The following PTPN2 variants were observed in gnomAD, a reference collection of about 807,000 sequenced individuals.
The protein encoded by PTPN2 is protein tyrosine phosphatase non-receptor type 2, also known as tyrosine-protein phosphatase non-receptor type 2.
Under a neutral mutation model 57.3 loss-of-function variants are expected in PTPN2, and 19 were observed. The observed-to-expected ratio is 0.33, with a 90% CI of 0.23 to 0.49. PTPN2 has a LOEUF of 0.49. PTPN2 is among the 20% of genes least tolerant of loss of function. PTPN2 has a pLI of 0.99. For missense variants in PTPN2, 358 were observed against 501.1 expected (o/e 0.71, Z 2.73); for synonymous variants, 153 against 164.9 (o/e 0.93, Z 0.55).
At chr18:12,835,382 C>CTTTCTTTTTTTTTTTTTTTTTTTTTT (rs2042821259) in intron 3 of PTPN2, among the ~76,000 whole-genome samples, 6 of 99,020 alleles carry the variant, frequency 6.1e-5, no homozygotes, top group African/African-American at 1.7e-4. Flanking sequence ...TCACATATGT[C>CTTTCTTTTTTTTTTTTTTTTTTTTTT]TTTTTTTTTT....
At chr18:12,848,177 G>A (rs2043277817) in intron 2 of PTPN2, among the ~76,000 whole-genome samples, 1 of 152,128 alleles carries the variant, frequency 6.6e-6, no homozygotes, top group Non-Finnish European at 1.5e-5. Context: ...CTATTACTAA[G>A]AAAGATGACA....
chr18:12,855,803 G>C (rs1055590975), intron 2 of PTPN2, among the ~76,000 whole-genome samples: 1 of 152,066 alleles, frequency 6.6e-6, no homozygotes, highest in Non-Finnish European at 1.5e-5. Context: ...CAAAATGGTG[G>C]AATTAAAAAA....
chr18:12,873,238 GCCTCTCCCTCTCCCTCTGCCT>G (rs1481107290), intron 1 of PTPN2, among the ~76,000 whole-genome samples: 3 of 142,070 alleles, frequency 2.1e-5, no homozygotes, highest in Non-Finnish European at 3.0e-5. Flanking sequence ...AAAAAAAAAA[GCCTCTCCCTCTCCCTCTGCCT>G]CCTCTCCCTC....
chr18:12,796,804 T>C (rs1213759285), intron 8 of PTPN2, among the ~76,000 whole-genome samples: 5 of 152,226 alleles, frequency 3.3e-5, no homozygotes, highest in African/African-American at 9.6e-5. Context: ...TCTTCAATTA[T>C]CTTGCTCCAC....
At chr18:12,861,906 T>C (rs2043820189) in intron 1 of PTPN2, among the ~76,000 whole-genome samples, 1 of 152,242 alleles carries the variant, frequency 6.6e-6, no homozygotes, top group African/African-American at 2.4e-5. Flanking sequence ...GCCCCCAGTA[T>C]AGTAGTAGGG....
intron 1 of PTPN2, among the ~76,000 whole-genome samples, chr18:12,882,439 A>G (rs140801005): frequency 6.6e-6 from 1 of 152,376 alleles, no homozygotes; most frequent in African/African-American, 2.4e-5. Context: ...ATTTTCAAGG[A>G]TATTAATGAT....
At chr18:12,786,937 T>C (rs2040858834) in intron 9 of PTPN2, 1 of 152,244 alleles carries the variant, frequency 6.6e-6, no homozygotes, top group South Asian at 2.1e-4. Context: ...ATTACATGAA[T>C]CTTCAGAATG....
intron 3 of PTPN2, among the ~76,000 whole-genome samples, chr18:12,836,092 T>C (rs1027231231): frequency 2.2e-4 from 33 of 152,382 alleles, no homozygotes; most frequent in Admixed American, 1.8e-3. Flanking sequence ...TCAAATATTA[T>C]GGTATATCTT....
chr18:12,837,120 G>A (rs2145399725), intron 2 of PTPN2, among the ~76,000 whole-genome samples: 1 of 152,234 alleles, frequency 6.6e-6, no homozygotes, highest in South Asian at 2.1e-4. Context: ...TCTGTTTGTA[G>A]CACATTAGCC....
chr18:12,820,954 G>A (rs2042251360), intron 5 of PTPN2, among the ~76,000 whole-genome samples: 1 of 152,226 alleles, frequency 6.6e-6, no homozygotes, highest in Non-Finnish European at 1.5e-5. Context: ...AGTTGAGCAA[G>A]TGTAACAACA....
At chr18:12,861,488 A>C (rs976976193) in intron 1 of PTPN2, among the ~76,000 whole-genome samples, 2 of 152,246 alleles carry the variant, frequency 1.3e-5, no homozygotes, top group Non-Finnish European at 2.9e-5. Context: ...TAATCAATGC[A>C]TCTGGAAGGC....
At chr18:12,805,297 A>C (rs1053923112) in intron 7 of PTPN2, among the ~76,000 whole-genome samples, 5 of 151,952 alleles carry the variant, frequency 3.3e-5, no homozygotes, top group African/African-American at 1.2e-4. Context: ...TCTCTACTAT[A>C]AATACAAAAA....
chr18:12,848,937 T>C (rs552577584), intron 2 of PTPN2, among the ~76,000 whole-genome samples: 1 of 152,240 alleles, frequency 6.6e-6, no homozygotes, highest in Non-Finnish European at 1.5e-5. Context: ...TTCTTTCCAA[T>C]CCTTATGGCT....
intron 1 of PTPN2, among the ~76,000 whole-genome samples, chr18:12,869,340 A>G (rs1473162120): frequency 6.6e-6 from 1 of 152,036 alleles, no homozygotes; most frequent in Non-Finnish European, 1.5e-5. Flanking sequence ...ATGCCTGGCT[A>G]ATTTTTTATT....
intron 3 of PTPN2, among the ~76,000 whole-genome samples, chr18:12,831,452 T>G (rs1211192572): frequency 1.3e-5 from 2 of 152,208 alleles, no homozygotes; most frequent in African/African-American, 2.4e-5. Flanking sequence ...TGAAGGTGGC[T>G]ATAGTATTCA....
At chr18:12,883,169 T>C (rs2044720375) in intron 1 of PTPN2, among the ~76,000 whole-genome samples, 2 of 152,008 alleles carry the variant, frequency 1.3e-5, no homozygotes. Context: ...CTATTTTGAT[T>C]TGAGGGGGCT....
chr18:12,863,551 T>TGGG (rs72478396), intron 1 of PTPN2: 40 of 114,000 alleles, frequency 3.5e-4, no homozygotes, highest in African/African-American at 1.1e-3. Context: ...TAATTTTTTT[T>TGGG]GGGGGGGGGG....
chr18:12,836,500 C>T (rs999702573), intron 3 of PTPN2, among the ~76,000 whole-genome samples: 24 of 152,264 alleles, frequency 1.6e-4, no homozygotes, highest in African/African-American at 5.8e-4. Context: ...ATAAGCAGCA[C>T]TCTGTGTCAG....
intron 1 of PTPN2, among the ~76,000 whole-genome samples, chr18:12,868,107 A>T (rs959846344): frequency 1.3e-5 from 2 of 152,248 alleles, no homozygotes; most frequent in Non-Finnish European, 2.9e-5. Flanking sequence ...AGTAATCACA[A>T]AGGCTTGTTC....
Sources: gnomAD v4.1 joint callset for allele counts (sites outside exome capture counted in the v4.1 genomes callset) on GRCh38, gnomAD v4.1.1 for gene constraint, MANE v1.5 for transcripts, NCBI Gene and HGNC (gene_info 2026-07-23, HGNC 2026-07-21) for gene names.